Variants in MMP16 observed in about 807,000 individuals in gnomAD.
MMP16 encodes matrix metallopeptidase 16.
A neutral mutation model predicts 67.8 loss-of-function variants in MMP16; 12 were observed. The ratio of observed to expected loss-of-function variants is 0.18; its 90% CI spans 0.11 to 0.29. The LOEUF is 0.29. Ranked by LOEUF, MMP16 falls within the 10% of genes least tolerant of loss-of-function variation. The pLI, the probability that MMP16 is intolerant of heterozygous loss-of-function variation, is 1.00. For synonymous variants in MMP16, 249 were observed against 255.9 expected (o/e 0.97, Z 0.26); for missense variants, 475 against 765.7 (o/e 0.62, Z 4.48).
intron 4 of MMP16, among the ~76,000 whole-genome samples, chr8:88,141,450 C>T (rs549217166): frequency 4.6e-5 from 7 of 152,264 alleles, no homozygotes; most frequent in East Asian, 1.9e-4. Context: ...TGGATAGCTT[C>T]GAGTGGTTGA....
intron 3 of MMP16, among the ~76,000 whole-genome samples, chr8:88,180,129 A>C (rs529045841): frequency 6.6e-6 from 1 of 152,080 alleles, no homozygotes; most frequent in Non-Finnish European, 1.5e-5. Context: ...TAAAAATACA[A>C]AATTAGCCTG....
intron 2 of MMP16, among the ~76,000 whole-genome samples, chr8:88,193,475 C>A (rs1217717406): frequency 6.6e-6 from 1 of 151,884 alleles, no homozygotes; most frequent in Non-Finnish European, 1.5e-5. Flanking sequence ...GAAGGGGTGG[C>A]TAATGGGTAC....
chr8:88,225,008 T>C (rs1809747982), intron 1 of MMP16, among the ~76,000 whole-genome samples: 2 of 152,086 alleles, frequency 1.3e-5, no homozygotes, highest in Admixed American at 6.6e-5. Flanking sequence ...CTGAGTGAGG[T>C]GTGAAATAAA....
intron 1 of MMP16, among the ~76,000 whole-genome samples, chr8:88,270,908 C>A (rs993803920): frequency 2.0e-5 from 3 of 152,166 alleles, no homozygotes; most frequent in African/African-American, 7.2e-5. Context: ...GACATTCCAG[C>A]AACTATTTGA....
At chr8:88,313,973 G>C (rs2130072265) in intron 1 of MMP16, among the ~76,000 whole-genome samples, 1 of 152,218 alleles carries the variant, frequency 6.6e-6, no homozygotes, top group South Asian at 2.1e-4. Flanking sequence ...ACCTCCTACT[G>C]TGTTCCTCCC....
chr8:88,296,629 T>G (rs1811016780), intron 1 of MMP16, among the ~76,000 whole-genome samples: 1 of 151,390 alleles, frequency 6.6e-6, no homozygotes, highest in Non-Finnish European at 1.5e-5. Context: ...AGGCCAAGAG[T>G]TCGAAACCAG....
At chr8:88,307,669 A>G (rs142253258) in intron 1 of MMP16, among the ~76,000 whole-genome samples, 1,593 of 152,110 alleles carry the variant, frequency 0.01, 25 homozygotes, top group African/African-American at 0.036. Flanking sequence ...AAAAGACATT[A>G]TGCCTAGTAT....
intron 1 of MMP16, among the ~76,000 whole-genome samples, chr8:88,273,512 A>T (rs1336508501): frequency 6.6e-6 from 1 of 152,190 alleles, no homozygotes; most frequent in Non-Finnish European, 1.5e-5. Flanking sequence ...ATTCTGACAC[A>T]GAATAGCACT....
chr8:88,145,799 T>G (rs907920974), intron 4 of MMP16, among the ~76,000 whole-genome samples: 2 of 151,998 alleles, frequency 1.3e-5, no homozygotes, highest in African/African-American at 4.8e-5. Flanking sequence ...GATTCTCAAC[T>G]GAGGATGATT....
chr8:88,235,022 T>G (rs1453746132), intron 1 of MMP16, among the ~76,000 whole-genome samples: 1 of 152,186 alleles, frequency 6.6e-6, no homozygotes. Context: ...TGCATTTAGC[T>G]TCTCCATCTT....
chr8:88,101,939 A>G (rs1328758761), intron 6 of MMP16, among the ~76,000 whole-genome samples: 1 of 151,820 alleles, frequency 6.6e-6, no homozygotes, highest in African/African-American at 2.4e-5. Context: ...AGCCTCATTA[A>G]AAACATCCAG....
At chr8:88,303,515 C>A (rs567333139) in intron 1 of MMP16, among the ~76,000 whole-genome samples, 1 of 152,328 alleles carries the variant, frequency 6.6e-6, no homozygotes, top group Admixed American at 6.5e-5. Context: ...ACTGGGCGTG[C>A]CCTCCCAACA....
At chr8:88,124,104 G>A (rs116768099) in intron 4 of MMP16, among the ~76,000 whole-genome samples, 1,993 of 152,026 alleles carry the variant, frequency 0.013, 29 homozygotes, top group African/African-American at 0.045. Context: ...TAGCATTTAC[G>A]TGTGTCAGAT....
chr8:88,234,410 A>G (rs1361924547), intron 1 of MMP16, among the ~76,000 whole-genome samples: 1 of 152,206 alleles, frequency 6.6e-6, no homozygotes, highest in East Asian at 1.9e-4. Context: ...AGTGAACACA[A>G]TTACTTTTCT....
chr8:88,250,381 T>C (rs1303672114), intron 1 of MMP16, among the ~76,000 whole-genome samples: 4 of 152,112 alleles, frequency 2.6e-5, no homozygotes, highest in African/African-American at 9.7e-5. Flanking sequence ...TGAAGTGTTA[T>C]TATAAGAAAA....
intron 1 of MMP16, among the ~76,000 whole-genome samples, chr8:88,308,689 A>C (rs1472672906): frequency 6.6e-6 from 1 of 152,112 alleles, no homozygotes; most frequent in African/African-American, 2.4e-5. Context: ...CATAAAAAGA[A>C]AAAAGGTGGT....
At chr8:88,235,374 G>C (rs1268955779) in intron 1 of MMP16, among the ~76,000 whole-genome samples, 1 of 129,534 alleles carries the variant, frequency 7.7e-6, no homozygotes, top group African/African-American at 2.9e-5. Context: ...CCGGGCAACA[G>C]AGCAAGACTC....
chr8:88,067,345 A>G (rs148001657), intron 7 of MMP16, among the ~76,000 whole-genome samples: 56 of 152,228 alleles, frequency 3.7e-4, no homozygotes, highest in Middle Eastern at 3.4e-3. Context: ...TGTACTACCT[A>G]TGTCATCAGT....
chr8:88,220,706 G>C (rs1809668630), intron 1 of MMP16, among the ~76,000 whole-genome samples: 1 of 152,072 alleles, frequency 6.6e-6, no homozygotes, highest in Admixed American at 6.6e-5. Flanking sequence ...TCAACAAAAG[G>C]AAGAAGATTC....
Sources: gnomAD v4.1 joint callset for allele counts (sites outside exome capture counted in the v4.1 genomes callset) on GRCh38, gnomAD v4.1.1 for gene constraint, MANE v1.5 for transcripts, NCBI Gene and HGNC (gene_info 2026-07-23, HGNC 2026-07-21) for gene names.